The following ATP9B variants were observed in gnomAD, a reference collection of about 807,000 sequenced individuals.
The protein encoded by ATP9B is probable phospholipid-transporting ATPase IIB.
ATP9B carries 110 observed loss-of-function variants against 146.1 expected under a neutral mutation model. That is an observed-to-expected ratio of 0.75 (90% confidence interval 0.65 to 0.88). The LOEUF (loss-of-function observed/expected upper bound fraction) is 0.88. ATP9B is among the 40% of genes least tolerant of loss of function. The probability of loss-of-function intolerance (pLI) is 0.00; values close to 1 mark genes in which losing one functional copy is unlikely to be tolerated. For synonymous variants in ATP9B, 604 were observed against 569.7 expected (o/e 1.06, Z -0.86); for missense variants, 1,499 against 1,496.4 (o/e 1.00, Z -0.03).
chr18:79,299,311 C>T (rs1348155461), intron 13 of ATP9B, among the ~76,000 whole-genome samples: 1 of 152,198 alleles, frequency 6.6e-6, no homozygotes, highest in Non-Finnish European at 1.5e-5. Context: ...TCCTCCCTCT[C>T]CAGCCCTTCT....
At chr18:79,176,788 T>C (rs1351005749) in intron 7 of ATP9B, 25 bp from the exon 8 acceptor site, 2 of 1,604,366 alleles carry the variant, frequency 1.2e-6, no homozygotes, top group Non-Finnish European at 1.7e-6. Context: ...TCAAGAGTGG[T>C]AAATTTTTAT....
chr18:79,128,350 C>G (rs972853147), intron 5 of ATP9B, among the ~76,000 whole-genome samples: 2 of 152,098 alleles, frequency 1.3e-5, no homozygotes, highest in African/African-American at 4.8e-5. Flanking sequence ...GAGCCACGCC[C>G]ATCCCTTTTG....
chr18:79,184,495 G>T (rs1441158289), intron 8 of ATP9B, among the ~76,000 whole-genome samples: 5 of 151,666 alleles, frequency 3.3e-5, no homozygotes, highest in Admixed American at 3.3e-4. Context: ...TTTTCGACTT[G>T]CTTTTGGTTT....
intron 6 of ATP9B, 113 bp from the exon 7 acceptor site, chr18:79,154,391 A>T: frequency 1.4e-6 from 1 of 723,594 alleles, no homozygotes; most frequent in Non-Finnish European, 2.3e-6. Flanking sequence ...TTTCAGCACA[A>T]TTTTAATTAT....
At chr18:79,282,203 G>A (rs2096384760) in intron 13 of ATP9B, among the ~76,000 whole-genome samples, 1 of 152,182 alleles carries the variant, frequency 6.6e-6, no homozygotes, top group African/African-American at 2.4e-5. Context: ...TCCGCTCCTG[G>A]AGAAGATGCT....
intron 13 of ATP9B, among the ~76,000 whole-genome samples, chr18:79,291,332 A>G (rs550566821): frequency 6.6e-6 from 1 of 152,174 alleles, no homozygotes; most frequent in Non-Finnish European, 1.5e-5. Context: ...ATTTGGGGGC[A>G]TATTAATTTC....
At chr18:79,165,726 G>T (rs913452046) in intron 7 of ATP9B, among the ~76,000 whole-genome samples, 14 of 152,142 alleles carry the variant, frequency 9.2e-5, no homozygotes, top group African/African-American at 2.9e-4. Context: ...CAGCCAAAAA[G>T]TCAGGGGCTC....
At chr18:79,085,074 T>G (rs2073679426) in intron 1 of ATP9B, 1 of 151,854 alleles carries the variant, frequency 6.6e-6, no homozygotes, top group South Asian at 2.1e-4. Flanking sequence ...TGCTGGCATC[T>G]GCTTCTGGTG....
In ATP9B at chr18:79,069,495, G is replaced by C. The variant is rs2071437064; in HGVS notation, c.85G>C (p.Ala29Pro). 4 of 1,466,882 alleles carry C rather than the reference G, an allele frequency of 2.7e-6. No homozygotes were observed. The highest frequency in any genetic ancestry group is 3.6e-6 in the Non-Finnish European group (4 of 1,108,948). The allele number at this position is 1,466,882 out of a possible 1,614,324, so 90.9% of individuals were successfully genotyped here. A position where few individuals can be genotyped will look rare whatever the true frequency, so the allele number is the denominator to read the frequency against. The change falls in exon 1 of 30, where the codon GCG becomes CCG. Residue 29 changes from alanine to proline, a missense_variant. Coordinates refer to ENST00000426216, the MANE Select transcript of ATP9B (RefSeq NM_198531.5). Reference sequence around the variant, plus strand: ...CAAACGCGCGGCCTACTACAGCGCCGCGGGGCCCAGGCCGGGAGCCGACCG... The same window carrying C: ...CAAACGCGCGGCCTACTACAGCGCCCCGGGGCCCAGGCCGGGAGCCGACCG... The part of the protein sequence containing the change: ...NRKRAAYYSA[A>P]GPRPGADRHS...
intron 21 of ATP9B, among the ~76,000 whole-genome samples, chr18:79,344,816 G>T (rs2096877409): frequency 6.6e-6 from 1 of 152,236 alleles, no homozygotes; most frequent in African/African-American, 2.4e-5. Context: ...AGCCTGTCCA[G>T]CGCCTTGGTT....
chr18:79,259,031 A>G (rs965809449), intron 12 of ATP9B, among the ~76,000 whole-genome samples: 1 of 152,228 alleles, frequency 6.6e-6, no homozygotes, highest in Admixed American at 6.5e-5. Context: ...TTGGTTTTGC[A>G]CAGTATACAA....
rs181812304 is a variant in ATP9B, at chr18:79,218,832, C to G, written c.1107+4794C>G. On this transcript the variant is annotated intron_variant, in intron 11 of 29. Coordinates refer to ENST00000426216, the MANE Select transcript of ATP9B (RefSeq NM_198531.5). ...TCATTGGCCAGAACAATTAAAAGGC[C>G]TTGGCCAAGTTCAAGGAGTCAGGGA... Among the ~76,000 whole-genome samples the G allele has an allele frequency of 2.1e-3, 323 of 152,306 alleles. 2 individuals carry two copies. The highest frequency in any genetic ancestry group is 7.3e-3 in the African/African-American group (302 of 41,560).
intron 25 of ATP9B, among the ~76,000 whole-genome samples, chr18:79,352,105 A>C (rs1225449517): frequency 6.6e-6 from 1 of 152,170 alleles, no homozygotes; most frequent in African/African-American, 2.4e-5. Context: ...GCTAGTCTGA[A>C]CTGGCCAGAG....
chr18:79,102,204 A>T (rs1314853191), intron 2 of ATP9B, among the ~76,000 whole-genome samples: 2 of 152,066 alleles, frequency 1.3e-5, no homozygotes, highest in Non-Finnish European at 2.9e-5. Flanking sequence ...GAGAGACTTC[A>T]CTGGATCCAG....
At chr18:79,153,170 A>C (rs1417333655) in intron 6 of ATP9B, among the ~76,000 whole-genome samples, 3 of 152,148 alleles carry the variant, frequency 2.0e-5, no homozygotes, top group Non-Finnish European at 4.4e-5. Context: ...TTATCCATTT[A>C]TTTACCATGG....
At chr18:79,070,027 A>G (rs1396521701) in intron 1 of ATP9B, among the ~76,000 whole-genome samples, 3 of 152,146 alleles carry the variant, frequency 2.0e-5, no homozygotes, top group East Asian at 3.8e-4. Flanking sequence ...TATATATACA[A>G]AGTGCTTTTT....
chr18:79,233,014 G>A (rs966499593), intron 11 of ATP9B, among the ~76,000 whole-genome samples: 1 of 152,120 alleles, frequency 6.6e-6, no homozygotes, highest in Admixed American at 6.5e-5. Flanking sequence ...ATATGTGGCC[G>A]GGCACGGTGG....
intron 18 of ATP9B, 114 bp downstream of exon 18, chr18:79,336,825 G>GA: frequency 9.3e-7 from 1 of 1,077,562 alleles, no homozygotes; most frequent in Non-Finnish European, 1.4e-6. Flanking sequence ...GTCTAGGAGT[G>GA]AAGGCAGCTT....
At chr18:79,161,736 C>T (rs2094884954) in intron 7 of ATP9B, among the ~76,000 whole-genome samples, 2 of 152,100 alleles carry the variant, frequency 1.3e-5, no homozygotes, top group African/African-American at 4.8e-5. Flanking sequence ...GTCCCAGGTA[C>T]TTGGGAGGCT....
Sources: gnomAD v4.1 joint callset for allele counts (sites outside exome capture counted in the v4.1 genomes callset) on GRCh38, gnomAD v4.1.1 for gene constraint, MANE v1.5 for transcripts, NCBI Gene and HGNC (gene_info 2026-07-23, HGNC 2026-07-21) for gene names.